ZNF649: variants seen among roughly 807,000 people sequenced by gnomAD.
ZNF649 encodes zinc finger protein 649.
ZNF649 carries 7 observed loss-of-function variants against 14.1 expected under a neutral mutation model. That is an observed-to-expected ratio of 0.49 (90% CI 0.28 to 0.93). ZNF649 has a LOEUF of 0.93. Ranked by LOEUF, ZNF649 falls within the 40% of genes least tolerant of loss-of-function variation. The pLI, the probability that ZNF649 is intolerant of heterozygous loss-of-function variation, is 0.10. For missense variants in ZNF649, 544 were observed against 608.1 expected, an observed-to-expected ratio of 0.89 and a Z score of 1.11; for synonymous variants, 227 against 212.3, an observed-to-expected ratio of 1.07 and a Z score of -0.60.
chr19:51,891,912 A>C lies in ZNF649; in HGVS notation c.239-15T>G, dbSNP rs2085026132. On this transcript the variant is annotated splice_polypyrimidine_tract_variant and intron_variant, in intron 4 of 4. Coordinates refer to ENST00000354957, the MANE Select transcript of ZNF649 (RefSeq NM_023074.4). This position sits in a 1 kb window ranked among gnomAD's most constrained non-coding sequence, Gnocchi z 4.2. ...TTTCTCAATTTCTAAGAGAGAGAAC[A>C]ATAAATCCTTCCATGATCATCACAC... 2.6e-6 allele frequency: 4 copies of C among 1,537,346 alleles called. No individual in the cohort carries two copies. Among genetic ancestry groups the C allele is most frequent in the Non-Finnish European group, 3.5e-6 (4 of 1,149,776 alleles).
intron 1 of ZNF649, 39 bp downstream of exon 1, chr19:51,904,875 C>T (rs763154929): frequency 6.6e-6 from 1 of 152,422 alleles, no homozygotes; most frequent in Non-Finnish European, 1.5e-5. Flanking sequence ...AAGCTCCCTA[C>T]CCCTTTAACC....
Position 51,891,186 on chromosome 19 carries a change from G to A in ZNF649, c.950C>T (p.Pro317Leu), listed in dbSNP as rs146216141. The change falls in exon 5 of 5, where the codon CCT becomes CTT. Residue 317 changes from proline (P) to leucine (L), a missense_variant. Physicochemically the swap from Pro to Leu is moderately conservative, Grantham distance 98 (BLOSUM62 -3). Transcript: ENST00000354957. The surrounding 1 kb of genome is among the most constrained non-coding windows in gnomAD (Gnocchi z 4.2). ...VHQRTHTGEK[P>L]HTCSECGKGF... ...TTTTCCACATTCACTGCATGTATGA[G>A]GCTTCTCTCCTGTATGAGTTCGCTG... is the stretch of plus-strand genomic sequence containing the variant. 5.7e-5 allele frequency: 92 copies of A among 1,614,238 alleles called. No homozygotes were observed. Among genetic ancestry groups the A allele is most frequent in the Non-Finnish European group, 7.2e-5 (85 of 1,180,046 alleles).
chr19:51,894,149 T>TC (rs1423916550), intron 4 of ZNF649, among the ~76,000 whole-genome samples: 1 of 152,076 alleles, frequency 6.6e-6, no homozygotes, highest in Non-Finnish European at 1.5e-5. Flanking sequence ...TTCTTTTTTT[T>TC]TGAGATGGAG....
At chr19:51,893,912 C>T (rs554532757) in intron 4 of ZNF649, among the ~76,000 whole-genome samples, 1 of 152,240 alleles carries the variant, frequency 6.6e-6, no homozygotes, top group East Asian at 1.9e-4. Flanking sequence ...TGCTATAGTA[C>T]TGCCACCAGG....
chr19:51,902,958 T>C (rs76497402), intron 1 of ZNF649, among the ~76,000 whole-genome samples: 5,631 of 152,218 alleles, frequency 0.037, 165 homozygotes, highest in Middle Eastern at 0.075. Flanking sequence ...AGTGAGATCG[T>C]TCATGGCAAA....
chr19:51,898,580 G>A (rs1256225418), intron 2 of ZNF649, among the ~76,000 whole-genome samples: 1 of 151,968 alleles, frequency 6.6e-6, no homozygotes, highest in Non-Finnish European at 1.5e-5. Flanking sequence ...AAACCCCATG[G>A]GGGTTTTTAT....
chr19:51,895,313 G>T (rs150213765), intron 4 of ZNF649, among the ~76,000 whole-genome samples: 4 of 152,082 alleles, frequency 2.6e-5, no homozygotes, highest in Admixed American at 2.6e-4. Flanking sequence ...ATCACATACC[G>T]ATGCCTCAGT....
At chr19:51,894,707 T>C (rs1324090262) in intron 4 of ZNF649, among the ~76,000 whole-genome samples, 1 of 152,172 alleles carries the variant, frequency 6.6e-6, no homozygotes, top group Non-Finnish European at 1.5e-5. Flanking sequence ...TTTGTAAATA[T>C]TACATAAAAA....
chr19:51,901,634 G>A (rs1054115740), intron 1 of ZNF649, among the ~76,000 whole-genome samples: 4 of 151,592 alleles, frequency 2.6e-5, no homozygotes, highest in Admixed American at 2.6e-4. Flanking sequence ...AACAGAGCAA[G>A]ACCCTGTCTC....
chr19:51,891,280 C>T lies in ZNF649; in HGVS notation c.856G>A (p.Gly286Arg). 6.2e-7 allele frequency: 1 copy of T among 1,614,208 alleles called. No homozygotes were observed. Among genetic ancestry groups the T allele is most frequent in the Non-Finnish European group, 8.5e-7 (1 of 1,180,038 alleles). Residue 286 changes from glycine (G) to arginine (R), a missense_variant, in exon 5 of 5, where the codon GGA becomes AGA. By Grantham distance (125) the Gly-to-Arg change is moderately radical. Coordinates refer to ENST00000354957, the MANE Select transcript of ZNF649 (RefSeq NM_023074.4). The surrounding 1 kb of genome is among the most constrained non-coding windows in gnomAD (Gnocchi z 4.2). Reference sequence around the variant, plus strand: ...TCGCTGCATTGATGGGGCTTAATTCCCGTGTGAATCCTTTGATGTTCAGTA... The same window carrying T: ...TCGCTGCATTGATGGGGCTTAATTCTCGTGTGAATCCTTTGATGTTCAGTA... ...ELTEHQRIHT[G>R]IKPHQCSECG...
At chr19:51,904,658 C>T (rs1433008326) in intron 1 of ZNF649, among the ~76,000 whole-genome samples, 1 of 152,076 alleles carries the variant, frequency 6.6e-6, no homozygotes, top group Non-Finnish European at 1.5e-5. Flanking sequence ...TGGGCAGCGT[C>T]CCCCTAGAGT....
Position 51,890,649 on chromosome 19 carries a change from T to G in ZNF649, c.1487A>C (p.Gln496Pro), listed in dbSNP as rs1346689566. Residue 496 changes from glutamine to proline, a missense_variant, in exon 5 of 5, where the codon CAG (glutamine) becomes CCG (proline). By Grantham distance (76) the Gln-to-Pro change is moderately conservative (BLOSUM62 -1). Coordinates refer to ENST00000354957, the MANE Select transcript of ZNF649 (RefSeq NM_023074.4). Reference sequence around the variant, plus strand: ...ATGCAGGATGTGGGCAAACTCACACTGCCCTGCCACCATTGCCACAGTTAC... The same window carrying G: ...ATGCAGGATGTGGGCAAACTCACACGGCCCTGCCACCATTGCCACAGTTAC... ...NMVTVAMVAG[Q>P]CEFAHILHS 6.2e-7 allele frequency: 1 copy of G among 1,613,636 alleles called. No homozygotes were observed.
chr19:51,897,026 G>A (rs374361000), intron 2 of ZNF649, 48 bp from the exon 3 acceptor site: 2 of 1,610,764 alleles, frequency 1.2e-6, no homozygotes, highest in Non-Finnish European at 8.5e-7. Flanking sequence ...TATTGACATG[G>A]AAGAAATATG....
Position 51,890,863 on chromosome 19 carries a change from T to C in ZNF649, c.1273A>G (p.Thr425Ala). Residue 425 changes from threonine (T) to alanine (A), a missense_variant, in exon 5 of 5, where the codon ACG becomes GCG. Transcript: ENST00000354957. ...TMLIVHHRTHTGERPYGCDEC... is the reference protein window; with the variant it reads ...TMLIVHHRTHAGERPYGCDEC... ...TCACAGCCATAGGGTCTCTCTCCCGTGTGAGTTCTGTGATGTACAATGAGC... is the reference window on the plus strand; with the variant it reads ...TCACAGCCATAGGGTCTCTCTCCCGCGTGAGTTCTGTGATGTACAATGAGC... The C allele has an allele frequency of 6.2e-7, 1 of 1,614,244 alleles. No homozygotes were observed. Among genetic ancestry groups the C allele is most frequent in the Admixed American group, 1.7e-5 (1 of 60,034 alleles).
At position 51,891,543 on chromosome 19, in the gene ZNF649, C is replaced by A. The variant is rs373638440; in HGVS notation, c.593G>T (p.Arg198Ile). ...GTGGGGTTTCTTTCCTGTATGAATT[C>A]TCTTATGCTCAGTGAGCTGAGACTT... ...LKKSQLTEHK[R>I]IHTGKKPHVC... The change falls in exon 5 of 5, where the codon AGA becomes ATA. Residue 198 changes from arginine to isoleucine, a missense_variant. Transcript: ENST00000354957. The surrounding 1 kb of genome is among the most constrained non-coding windows in gnomAD (Gnocchi z 4.2). 2.2e-5 allele frequency: 36 copies of A among 1,614,100 alleles called. No homozygotes were observed. Among genetic ancestry groups the A allele is most frequent in the South Asian group, 1.8e-4 (16 of 91,092 alleles).
At chr19:51,896,076 A>G (rs1306448859) in intron 4 of ZNF649, 1 of 180,346 alleles carries the variant, frequency 5.5e-6, no homozygotes, top group African/African-American at 2.4e-5. Flanking sequence ...CTGTGAGAAA[A>G]CAACCCCTAT....
intron 1 of ZNF649, among the ~76,000 whole-genome samples, chr19:51,901,019 G>A (rs2085091386): frequency 6.6e-6 from 1 of 152,178 alleles, no homozygotes; most frequent in Non-Finnish European, 1.5e-5. Context: ...GCAAAGTCTG[G>A]AGGAAACCAG....
At position 51,889,886 on chromosome 19, in the gene ZNF649, A is replaced by G. The variant is rs1040815980; in HGVS notation, c.*732T>C. ...AAGTTAGTAATTTAAACCTAAAAACATCAATACATTGAACGTAAATGATCT... is the reference window on the plus strand; with the variant it reads ...AAGTTAGTAATTTAAACCTAAAAACGTCAATACATTGAACGTAAATGATCT... On this transcript the variant is annotated 3_prime_UTR_variant, in exon 5 of 5. Transcript: ENST00000354957. 3.9e-5 allele frequency: 6 copies of G among 152,258 alleles called. No individual in the cohort carries two copies. Among genetic ancestry groups the G allele is most frequent in the African/African-American group, 1.2e-4 (5 of 41,472 alleles). The allele number at this position is 152,258 out of a possible 1,614,324, so 9.4% of individuals were successfully genotyped here. A position where few individuals can be genotyped will look rare whatever the true frequency, so the allele number is the denominator to read the frequency against.
At chr19:51,903,144 T>C (rs1227190616) in intron 1 of ZNF649, among the ~76,000 whole-genome samples, 1 of 152,108 alleles carries the variant, frequency 6.6e-6, no homozygotes, top group Non-Finnish European at 1.5e-5. Flanking sequence ...CCACGGAAGC[T>C]TATTAGAGAC....
Sources: allele counts gnomAD v4.1 joint callset (sites outside exome capture counted in the v4.1 genomes callset), GRCh38; gene constraint gnomAD v4.1.1; non-coding constraint Gnocchi (gnomAD v3.1); transcripts MANE v1.5; gene names NCBI Gene and HGNC (gene_info 2026-07-23, HGNC 2026-07-21).